The following CCDC7 variants were observed in gnomAD, a reference collection of about 807,000 sequenced individuals.
CCDC7 encodes the protein coiled-coil domain-containing protein 7.
Under a neutral mutation model 196.9 loss-of-function variants are expected in CCDC7, and 183 were observed. The ratio of observed to expected loss-of-function variants is 0.93; its 90% CI spans 0.82 to 1.05. The LOEUF (loss-of-function observed/expected upper bound fraction) is 1.05, where lower values mean the gene tolerates loss of function less well. Among genes scored for constraint, CCDC7 ranks in the 50% least tolerant of loss-of-function variants. The probability of loss-of-function intolerance (pLI) is 0.00; values close to 1 mark genes in which losing one functional copy is unlikely to be tolerated. For synonymous variants in CCDC7, 525 were observed against 484.6 expected, an observed-to-expected ratio of 1.08 and a Z score of -1.10; for missense variants, 1,540 against 1,482.2, an observed-to-expected ratio of 1.04 and a Z score of -0.64.
chr10:32,524,192 C>T (rs1322095129), intron 11 of CCDC7, among the ~76,000 whole-genome samples: 1 of 151,628 alleles, frequency 6.6e-6, no homozygotes, highest in Non-Finnish European at 1.5e-5. Context: ...CTTGCAAGTA[C>T]TATCTTATAA....
chr10:32,801,609 A>G (rs561837451), intron 29 of CCDC7, among the ~76,000 whole-genome samples: 56 of 152,300 alleles, frequency 3.7e-4, no homozygotes, highest in African/African-American at 1.3e-3. Context: ...GTGCACCTCC[A>G]TGTGGGTTAC....
intron 41 of CCDC7, among the ~76,000 whole-genome samples, chr10:32,871,269 A>T (rs2094419954): frequency 6.6e-6 from 1 of 152,050 alleles, no homozygotes; most frequent in Non-Finnish European, 1.5e-5. Flanking sequence ...TTATTGCCTC[A>T]ATTTCAGAGC....
intron 21 of CCDC7, among the ~76,000 whole-genome samples, chr10:32,666,142 A>G (rs908603043): frequency 2.7e-5 from 4 of 145,692 alleles, no homozygotes; most frequent in African/African-American, 1.0e-4. Flanking sequence ...TTTTTCATTG[A>G]CAAAGAAGTT....
At chr10:32,756,626 T>C (rs76906773) in intron 28 of CCDC7, among the ~76,000 whole-genome samples, 1 of 152,152 alleles carries the variant, frequency 6.6e-6, no homozygotes, top group Non-Finnish European at 1.5e-5. Flanking sequence ...AAGGAACAAC[T>C]GGTACCAGCC....
chr10:32,501,595 C>G (rs531247337), intron 9 of CCDC7, among the ~76,000 whole-genome samples: 1 of 152,292 alleles, frequency 6.6e-6, no homozygotes, highest in African/African-American at 2.4e-5. Flanking sequence ...CTAACAGACC[C>G]CTCTGCTGCA....
chr10:32,759,537 C>T (rs2077073960), intron 28 of CCDC7, among the ~76,000 whole-genome samples: 1 of 152,038 alleles, frequency 6.6e-6, no homozygotes, highest in Non-Finnish European at 1.5e-5. Context: ...AACTGGCTAG[C>T]CATATGTAGA....
chr10:32,561,707 T>C (rs1398028324), intron 13 of CCDC7, among the ~76,000 whole-genome samples: 3 of 152,272 alleles, frequency 2.0e-5, no homozygotes, highest in African/African-American at 7.2e-5. Context: ...AGGAAAGATC[T>C]AAAATGGACA....
At chr10:32,656,636 C>A (rs1195515077) in intron 20 of CCDC7, among the ~76,000 whole-genome samples, 1 of 152,158 alleles carries the variant, frequency 6.6e-6, no homozygotes, top group African/African-American at 2.4e-5. Flanking sequence ...CCCACTGGGT[C>A]CCTCCCATGT....
intron 21 of CCDC7, among the ~76,000 whole-genome samples, chr10:32,668,630 A>G (rs1422065434): frequency 6.6e-6 from 1 of 152,076 alleles, no homozygotes; most frequent in African/African-American, 2.4e-5. Context: ...TGAGATAATC[A>G]TGTGGTTTTT....
intron 15 of CCDC7, among the ~76,000 whole-genome samples, chr10:32,569,834 T>G (rs375380506): frequency 1.3e-5 from 2 of 152,328 alleles, no homozygotes; most frequent in East Asian, 3.9e-4. Context: ...GGGGTACATA[T>G]ATAGTCTATA....
chr10:32,676,151 A>G (rs916729081), intron 21 of CCDC7, among the ~76,000 whole-genome samples: 1 of 119,368 alleles, frequency 8.4e-6, no homozygotes, highest in African/African-American at 3.0e-5. Context: ...TCCCTGTTTA[A>G]TAAATGGTGC....
At chr10:32,593,682 G>C (rs1284368111) in intron 18 of CCDC7, among the ~76,000 whole-genome samples, 1 of 152,180 alleles carries the variant, frequency 6.6e-6, no homozygotes, top group Non-Finnish European at 1.5e-5. Context: ...ATGGTTTCAG[G>C]TCTAACATTT....
intron 15 of CCDC7, 69 bp from the exon 17 acceptor site, chr10:32,571,790 T>G (rs1047374201): frequency 2.2e-6 from 3 of 1,358,952 alleles, no homozygotes; most frequent in Non-Finnish European, 2.9e-6. Flanking sequence ...AATGATATTT[T>G]TCTAAATGAC....
intron 9 of CCDC7, chr10:32,511,853 C>T: frequency 1.5e-6 from 1 of 680,990 alleles, no homozygotes; most frequent in Non-Finnish European, 2.6e-6. Flanking sequence ...CCGATGATCT[C>T]ACCAATGTAT....
intron 30 of CCDC7, among the ~76,000 whole-genome samples, chr10:32,811,329 C>G (rs1216239119): frequency 6.6e-6 from 1 of 151,878 alleles, no homozygotes; most frequent in Non-Finnish European, 1.5e-5. Context: ...AGAACTGATA[C>G]CACAGAATTA....
At chr10:32,630,042 GGCTTGTTAGAA>G (rs1287363481) in intron 18 of CCDC7, among the ~76,000 whole-genome samples, 2 of 152,142 alleles carry the variant, frequency 1.3e-5, no homozygotes, top group Non-Finnish European at 2.9e-5. Context: ...CCCAGATATT[GGCTTGTTAGAA>G]GCCAGAACTG....
Position 32,575,148 on chromosome 10 carries a change from T to C in CCDC7, c.1454+3255T>C, listed in dbSNP as rs538928719. Among the ~76,000 whole-genome samples the C allele has an allele frequency of 4.6e-5, 7 of 152,248 alleles. No homozygotes were observed. The South Asian group carries it at 1.5e-3, about 32-fold the overall frequency. On this transcript the variant is annotated intron_variant, in intron 16 of 41. Transcript: ENST00000639629. ...ATCTGACAGTCACAGGGAAGGATAA[T>C]TTAGATTGGGTGGTCAAGGAAGGTA...
intron 29 of CCDC7, among the ~76,000 whole-genome samples, chr10:32,794,462 T>C (rs1243257229): frequency 6.6e-6 from 1 of 152,190 alleles, no homozygotes; most frequent in African/African-American, 2.4e-5. Flanking sequence ...TTAGGACAAA[T>C]GGTAGTTCTA....
Position 32,714,254 on chromosome 10 carries a change from G to A in CCDC7, c.2569+2524G>A, listed in dbSNP as rs542349348. On this transcript the variant is annotated intron_variant, in intron 25 of 41. Transcript: ENST00000639629. ...AGTGGGTGCAGCTCAAGGAGGGCGA[G>A]CAGAAGCAGGGTGGGGCATTGCCTC... 2.0e-5 allele frequency among the ~76,000 whole-genome samples: 3 copies of A among 152,292 alleles called. No homozygotes were observed. The South Asian group carries it at 6.2e-4, about 32-fold the overall frequency.
Sources: gnomAD v4.1 joint callset for allele counts (sites outside exome capture counted in the v4.1 genomes callset) on GRCh38, gnomAD v4.1.1 for gene constraint, MANE v1.5 for transcripts, NCBI Gene and HGNC (gene_info 2026-07-23, HGNC 2026-07-21) for gene names.